The following NRXN1 variants were observed in gnomAD, a reference collection of about 807,000 sequenced individuals.
NRXN1 encodes the protein neurexin 1.
In NRXN1, 39 loss-of-function variants were observed where a neutral mutation model predicts 150.9. The observed-to-expected ratio is 0.26, with a 90% CI of 0.20 to 0.34. The LOEUF is 0.34. Ranked by LOEUF, NRXN1 falls within the 10% of genes least tolerant of loss-of-function variation. NRXN1 has a pLI of 1.00. For missense variants in NRXN1, 1,815 were observed against 1,949.9 expected (o/e 0.93, Z 1.30); for synonymous variants, 924 against 757.0 (o/e 1.22, Z -3.62).
chr2:50,683,492 C>T (rs1347212167), intron 5 of NRXN1, among the ~76,000 whole-genome samples: 4 of 148,730 alleles, frequency 2.7e-5, no homozygotes, highest in Non-Finnish European at 5.9e-5. Flanking sequence ...ATTAGCCGGG[C>T]ACAGTGGCGG....
At chr2:49,973,825 T>A in intron 21 of NRXN1, 1 of 586,498 alleles carries the variant, frequency 1.7e-6, no homozygotes, top group South Asian at 2.3e-5. Flanking sequence ...GAAGAAATAT[T>A]TTAACATAAA....
chr2:50,633,074 A>T (rs548465582), intron 5 of NRXN1: 1 of 152,258 alleles, frequency 6.6e-6, no homozygotes, highest in South Asian at 2.1e-4. Flanking sequence ...ATTGGTGAAT[A>T]TACTTAACAA....
At chr2:50,110,478 TGA>T in intron 18 of NRXN1, among the ~76,000 whole-genome samples, 1 of 114,980 alleles carries the variant, frequency 8.7e-6, no homozygotes, top group South Asian at 2.7e-4. Flanking sequence ...GGCGACAGAG[TGA>T]GACTCTGTCT....
At chr2:50,667,438 C>T (rs1688223501) in intron 5 of NRXN1, among the ~76,000 whole-genome samples, 1 of 151,850 alleles carries the variant, frequency 6.6e-6, no homozygotes. Context: ...ATTTTTAGTT[C>T]CTTTCAGTAT....
intron 12 of NRXN1, among the ~76,000 whole-genome samples, chr2:50,525,616 C>T (rs777305679): frequency 6.6e-6 from 1 of 152,176 alleles, no homozygotes; most frequent in Admixed American, 6.5e-5. Flanking sequence ...AACTGAGACT[C>T]GTCTGGGATT....
chr2:50,172,731 G>A (rs768833318), intron 18 of NRXN1, among the ~76,000 whole-genome samples: 1 of 152,074 alleles, frequency 6.6e-6, no homozygotes. Flanking sequence ...ACTTTATGGG[G>A]CAAGGCAGGT....
At chr2:50,388,926 T>C (rs1048030695) in intron 17 of NRXN1, among the ~76,000 whole-genome samples, 3 of 152,122 alleles carry the variant, frequency 2.0e-5, no homozygotes, top group African/African-American at 4.8e-5. Flanking sequence ...GGTCACTACA[T>C]TAAACAAAAG....
At chr2:50,566,832 T>C (rs748540004) in intron 8 of NRXN1, among the ~76,000 whole-genome samples, 4 of 152,168 alleles carry the variant, frequency 2.6e-5, no homozygotes, top group Non-Finnish European at 5.9e-5. Context: ...GGATAGTAGC[T>C]GAGTTCCTAT....
intron 5 of NRXN1, among the ~76,000 whole-genome samples, chr2:50,709,751 G>C (rs933779834): frequency 6.6e-6 from 1 of 152,086 alleles, no homozygotes; most frequent in African/African-American, 2.4e-5. Flanking sequence ...CTATGCTTAA[G>C]GAATGAACTA....
chr2:50,467,259 A>G (rs2088986506), intron 16 of NRXN1, among the ~76,000 whole-genome samples: 1 of 151,724 alleles, frequency 6.6e-6, no homozygotes, highest in South Asian at 2.1e-4. Context: ...TAACTGTTAC[A>G]GTAAAACCTC....
At chr2:50,823,204 T>A (rs1367360116) in intron 5 of NRXN1, among the ~76,000 whole-genome samples, 1 of 152,192 alleles carries the variant, frequency 6.6e-6, no homozygotes, top group Non-Finnish European at 1.5e-5. Context: ...AAGTTCAACA[T>A]TGCCAAATAT....
chr2:50,758,620 T>C lies in NRXN1; in HGVS notation c.833-135005A>G, dbSNP rs193189997. On this transcript the variant is annotated intron_variant, in intron 5 of 22. Coordinates refer to ENST00000401669, the MANE Select transcript of NRXN1 (RefSeq NM_001330078.2). The stretch of plus-strand genomic sequence containing the variant: ...ACCATTCCCAGCTTATAAACTACTT[T>C]TAAATAGCAGTCATTCTGGCTTGTT... Among the ~76,000 whole-genome samples the C allele has an allele frequency of 3.6e-3, 549 of 151,976 alleles. 4 individuals carry two copies. The highest frequency in any genetic ancestry group is 0.024 in the Middle Eastern group (7 of 294).
At chr2:50,743,676 C>A (rs1699697716) in intron 5 of NRXN1, among the ~76,000 whole-genome samples, 1 of 152,076 alleles carries the variant, frequency 6.6e-6, no homozygotes, top group Admixed American at 6.6e-5. Flanking sequence ...CAGATTTAAC[C>A]ATCACGTGAT....
intron 19 of NRXN1, among the ~76,000 whole-genome samples, chr2:50,064,428 ATCT>A (rs1224781320): frequency 2.0e-5 from 2 of 100,328 alleles, no homozygotes; most frequent in African/African-American, 3.9e-5. Context: ...ACCACGTGGG[ATCT>A]TCTTTTTTTT....
intron 17 of NRXN1, among the ~76,000 whole-genome samples, chr2:50,252,341 C>T (rs1214935156): frequency 1.4e-5 from 2 of 143,394 alleles, no homozygotes; most frequent in Non-Finnish European, 3.0e-5. Context: ...TCACTGCAAC[C>T]TCTGTCTCTT....
intron 17 of NRXN1, among the ~76,000 whole-genome samples, chr2:50,278,357 G>A (rs1486439854): frequency 1.4e-5 from 2 of 140,454 alleles, no homozygotes; most frequent in Non-Finnish European, 3.0e-5. Context: ...GTTTCACCAT[G>A]TTAGCCAGGC....
rs912927042 is a variant in NRXN1 at position 50,185,135 on chromosome 2, C to T, written c.3546+51654G>A. ...GAGAGAAACTGAATGATCTCACCAG[C>T]TAATCCATCCATGGAGATGCTTTGT... On this transcript the variant is annotated intron_variant, in intron 18 of 22. Coordinates refer to ENST00000401669, the MANE Select transcript of NRXN1 (RefSeq NM_001330078.2). Among the ~76,000 whole-genome samples the T allele has an allele frequency of 2.6e-5, 4 of 152,238 alleles. No individual in the cohort carries two copies. In the East Asian group the frequency reaches 5.8e-4, roughly 22 times the overall value.
chr2:50,297,129 T>C (rs536034839), intron 17 of NRXN1, among the ~76,000 whole-genome samples: 2 of 152,234 alleles, frequency 1.3e-5, no homozygotes, highest in African/African-American at 4.8e-5. Flanking sequence ...GACCTTGTGA[T>C]GCACCCGCCT....
intron 18 of NRXN1, among the ~76,000 whole-genome samples, chr2:50,199,800 T>C (rs895760681): frequency 6.6e-6 from 1 of 152,158 alleles, no homozygotes; most frequent in African/African-American, 2.4e-5. Flanking sequence ...TCCTCTTTTC[T>C]TAAAAAGACA....
Sources: gnomAD v4.1 joint callset for allele counts (sites outside exome capture counted in the v4.1 genomes callset) on GRCh38, gnomAD v4.1.1 for gene constraint, MANE v1.5 for transcripts, NCBI Gene and HGNC (gene_info 2026-07-23, HGNC 2026-07-21) for gene names.